CCBE1: variants seen among roughly 807,000 people sequenced by gnomAD.
The protein encoded by CCBE1 is collagen and calcium-binding EGF domain-containing protein 1.
In CCBE1, 37 loss-of-function variants were observed where a neutral mutation model predicts 50.0. That is an observed-to-expected ratio of 0.74 (90% CI 0.57 to 0.97). The LOEUF is 0.97. Among genes scored for constraint, CCBE1 ranks in the 50% least tolerant of loss-of-function variants. CCBE1 has a pLI of 0.00. For missense variants in CCBE1, 538 were observed against 523.8 expected (o/e 1.03, Z -0.26); for synonymous variants, 234 against 203.7 (o/e 1.15, Z -1.27).
At position 59,478,482 on chromosome 18, in the gene CCBE1, G is replaced by A. The variant is rs1203806201; in HGVS notation, c.265+1704C>T. ...GCTATGAAAAGTGTTCTAGCAAAAA[G>A]CAACAGAGCAGATAATTAGCTCTGG... is the stretch of plus-strand genomic sequence containing the variant. On this transcript the variant is annotated intron_variant, in intron 3 of 10. Transcript: ENST00000439986. Among the ~76,000 whole-genome samples the A allele has an allele frequency of 2.0e-5, 3 of 152,270 alleles. No individual in the cohort carries two copies. The South Asian group carries it at 6.2e-4, about 32-fold the overall frequency.
intron 2 of CCBE1, among the ~76,000 whole-genome samples, chr18:59,523,338 T>C (rs900404243): frequency 2.6e-5 from 4 of 150,988 alleles, no homozygotes; most frequent in Non-Finnish European, 5.9e-5. Flanking sequence ...TGTGGGTTGA[T>C]AGGGATACAG....
At chr18:59,450,795 A>G (rs1377715375) in intron 6 of CCBE1, among the ~76,000 whole-genome samples, 2 of 152,216 alleles carry the variant, frequency 1.3e-5, no homozygotes, top group Non-Finnish European at 2.9e-5. Context: ...TTGGCTTCCC[A>G]AAGTACTGGG....
intron 2 of CCBE1, among the ~76,000 whole-genome samples, chr18:59,593,371 A>C (rs1478381933): frequency 6.6e-6 from 1 of 152,218 alleles, no homozygotes. Flanking sequence ...CAGAGAGTGC[A>C]TTCTAGTTTT....
chr18:59,620,148 C>T (rs932222276), intron 2 of CCBE1, among the ~76,000 whole-genome samples: 11 of 152,186 alleles, frequency 7.2e-5, no homozygotes, highest in African/African-American at 2.2e-4. Flanking sequence ...GTTTTCCCCA[C>T]GTGAGAGCCT....
intron 2 of CCBE1, among the ~76,000 whole-genome samples, chr18:59,505,570 G>A (rs1913831678): frequency 6.6e-6 from 1 of 152,214 alleles, no homozygotes; most frequent in Non-Finnish European, 1.5e-5. Context: ...AATTTGGCAA[G>A]AGAAAGGGAG....
At chr18:59,517,635 A>C (rs1914428558) in intron 2 of CCBE1, among the ~76,000 whole-genome samples, 2 of 152,222 alleles carry the variant, frequency 1.3e-5, no homozygotes, top group African/African-American at 4.8e-5. Context: ...AATTGATTTG[A>C]CAAAGCCATC....
chr18:59,438,213 A>T (rs1598900001), intron 9 of CCBE1, 67 bp from the exon 10 acceptor site: 1 of 1,385,352 alleles, frequency 7.2e-7, no homozygotes, highest in Non-Finnish European at 1.0e-6. Context: ...GTCTCTATTT[A>T]TACACCCACC....
At chr18:59,556,800 A>G (rs1042394305) in intron 2 of CCBE1, among the ~76,000 whole-genome samples, 4 of 152,198 alleles carry the variant, frequency 2.6e-5, no homozygotes, top group African/African-American at 7.2e-5. Flanking sequence ...GTACAAGTCA[A>G]TTTTATGAAT....
At chr18:59,670,851 GC>G (rs2054420766) in intron 2 of CCBE1, among the ~76,000 whole-genome samples, 1 of 152,130 alleles carries the variant, frequency 6.6e-6, no homozygotes. Flanking sequence ...GGGTGGCTGA[GC>G]CAGGAGAATC....
intron 2 of CCBE1, among the ~76,000 whole-genome samples, chr18:59,629,597 T>A (rs8094428): frequency 3.3e-5 from 5 of 151,680 alleles, no homozygotes. Context: ...AAGAAAGGAG[T>A]GGTAACGGGA....
chr18:59,566,867 A>G (rs1308853970), intron 2 of CCBE1, among the ~76,000 whole-genome samples: 1 of 152,146 alleles, frequency 6.6e-6, no homozygotes, highest in East Asian at 1.9e-4. Context: ...AAAAATCTCT[A>G]AAGCCTCAGA....
rs556837956 is a variant in CCBE1, at chr18:59,463,319, C to T, written c.553+3420G>A. 4.6e-5 allele frequency among the ~76,000 whole-genome samples: 7 copies of T among 152,324 alleles called. No homozygotes were observed. In the South Asian group the frequency reaches 1.5e-3, roughly 32 times the overall value. On this transcript the variant is annotated intron_variant, in intron 5 of 10. Coordinates refer to ENST00000439986, the MANE Select transcript of CCBE1 (RefSeq NM_133459.4). ...CGTAGCTCACTGCAGCCTAGACCTC[C>T]TGGGTTCAAGTGATCCTCCCATCTC...
In CCBE1 at chr18:59,620,787, TG is replaced by T. The variant is rs34277930; in HGVS notation, c.212+75841del. Among the ~76,000 whole-genome samples the T allele has an allele frequency of 1.0e-3, 155 of 152,338 alleles. 1 individual carries two copies. The highest frequency in any genetic ancestry group is 9.3e-3 in the Admixed American group (142 of 15,300). On this transcript the variant is annotated intron_variant, in intron 2 of 10. Coordinates refer to ENST00000439986, the MANE Select transcript of CCBE1 (RefSeq NM_133459.4). The stretch of plus-strand genomic sequence containing the variant: ...TGATTGTGAGGCCTCTCCAGCCATG[TG>T]GAACTGTGAGTCCATTAAACCTCTT...
chr18:59,650,223 C>A (rs1599100904), intron 2 of CCBE1, among the ~76,000 whole-genome samples: 1 of 151,748 alleles, frequency 6.6e-6, no homozygotes, highest in Admixed American at 6.6e-5. Context: ...AATAAATAAA[C>A]AGATATACAG....
intron 2 of CCBE1, among the ~76,000 whole-genome samples, chr18:59,506,292 C>T (rs182362585): frequency 1.4e-3 from 217 of 152,250 alleles, no homozygotes; most frequent in African/African-American, 5.0e-3. Context: ...GAGGCATGGA[C>T]CAGTTTCTCC....
At chr18:59,562,962 C>A (rs908095869) in intron 2 of CCBE1, among the ~76,000 whole-genome samples, 9 of 152,174 alleles carry the variant, frequency 5.9e-5, no homozygotes, top group African/African-American at 2.2e-4. Context: ...TGGACTCTTC[C>A]ATATAAGTCA....
chr18:59,638,321 G>T (rs2053941951), intron 2 of CCBE1, among the ~76,000 whole-genome samples: 2 of 152,212 alleles, frequency 1.3e-5, no homozygotes, highest in African/African-American at 4.8e-5. Context: ...ATGGTGAAAT[G>T]TCTAAAGCGT....
At chr18:59,537,692 C>A (rs58649973) in intron 2 of CCBE1, among the ~76,000 whole-genome samples, 12,642 of 152,208 alleles carry the variant, frequency 0.083, 1,048 homozygotes, top group East Asian at 0.41. Flanking sequence ...CTTACTTCAG[C>A]AAGTATATAA....
At chr18:59,507,891 C>A (rs1161835222) in intron 2 of CCBE1, among the ~76,000 whole-genome samples, 5 of 144,746 alleles carry the variant, frequency 3.5e-5, no homozygotes, top group Non-Finnish European at 6.1e-5. Context: ...TTTCCTCTTT[C>A]TTTTCCTTTT....
Sources: allele counts gnomAD v4.1 joint callset (sites outside exome capture counted in the v4.1 genomes callset), GRCh38; gene constraint gnomAD v4.1.1; transcripts MANE v1.5; gene names NCBI Gene and HGNC (gene_info 2026-07-23, HGNC 2026-07-21).